The following RBFOX1 variants were observed in gnomAD, a reference collection of about 807,000 sequenced individuals.
The protein encoded by RBFOX1 is RNA binding fox-1 homolog 1.
Under a neutral mutation model 57.7 loss-of-function variants are expected in RBFOX1, and 8 were observed. That is an observed-to-expected ratio of 0.14 (90% CI 0.08 to 0.25). The LOEUF (loss-of-function observed/expected upper bound fraction) is 0.25, where lower values mean the gene tolerates loss of function less well. RBFOX1 is among the 10% of genes least tolerant of loss of function. RBFOX1 has a pLI of 1.00. For synonymous variants in RBFOX1, 326 were observed against 222.4 expected, an observed-to-expected ratio of 1.47 and a Z score of -4.15; for missense variants, 611 against 548.5, an observed-to-expected ratio of 1.11 and a Z score of -1.14.
chr16:7,106,909 G>A (rs140613184), intron 4 of RBFOX1, among the ~76,000 whole-genome samples: 1 of 151,612 alleles, frequency 6.6e-6, no homozygotes, highest in African/African-American at 2.4e-5. Flanking sequence ...CTTGGCAGTG[G>A]GCATGCAACA....
intron 14 of RBFOX1, among the ~76,000 whole-genome samples, chr16:7,688,469 C>A (rs1366378427): frequency 1.3e-5 from 2 of 151,952 alleles, no homozygotes; most frequent in Admixed American, 6.6e-5. Flanking sequence ...TCCCACCTGC[C>A]CGCACCAAAA....
At chr16:5,904,385 T>A (rs913641011) in intron 4 of RBFOX1, among the ~76,000 whole-genome samples, 11 of 152,002 alleles carry the variant, frequency 7.2e-5, no homozygotes, top group African/African-American at 2.4e-4. Flanking sequence ...GACAGGTGTT[T>A]AGGAGCTCGT....
chr16:6,659,713 C>G (rs944759321), intron 3 of RBFOX1, among the ~76,000 whole-genome samples: 1 of 152,164 alleles, frequency 6.6e-6, no homozygotes, highest in African/African-American at 2.4e-5. Flanking sequence ...CATTGCAGCT[C>G]TAGCTGGTTC....
intron 4 of RBFOX1, among the ~76,000 whole-genome samples, chr16:7,154,252 G>C (rs1472575563): frequency 6.6e-6 from 1 of 152,208 alleles, no homozygotes; most frequent in Non-Finnish European, 1.5e-5. Context: ...GTCGGAGGAA[G>C]ACATGGCAGA....
At chr16:6,354,621 A>C (rs1488919274) in intron 2 of RBFOX1, among the ~76,000 whole-genome samples, 1 of 152,052 alleles carries the variant, frequency 6.6e-6, no homozygotes, top group Non-Finnish European at 1.5e-5. Context: ...TCCTGACTGT[A>C]TACTAGCTGC....
intron 3 of RBFOX1, among the ~76,000 whole-genome samples, chr16:6,912,419 G>T (rs2071879527): frequency 6.6e-6 from 1 of 152,082 alleles, no homozygotes; most frequent in Non-Finnish European, 1.5e-5. Flanking sequence ...CTGAAATGAG[G>T]TGTCTGTTCT....
chr16:6,312,477 G>C (rs2080453084), intron 1 of RBFOX1, among the ~76,000 whole-genome samples: 1 of 152,082 alleles, frequency 6.6e-6, no homozygotes, highest in South Asian at 2.1e-4. Flanking sequence ...ATTGAACCTA[G>C]ATAGGGTGAG....
chr16:7,210,784 G>A (rs750766795), intron 4 of RBFOX1, among the ~76,000 whole-genome samples: 1 of 152,058 alleles, frequency 6.6e-6, no homozygotes, highest in African/African-American at 2.4e-5. Context: ...GTCACACAGG[G>A]CTGAAAAGTA....
chr16:5,630,593 C>G (rs1596514785), intron 3 of RBFOX1, among the ~76,000 whole-genome samples: 2 of 152,190 alleles, frequency 1.3e-5, no homozygotes, highest in African/African-American at 2.4e-5. Flanking sequence ...GGGTGGCTTT[C>G]ATGATACTCT....
intron 3 of RBFOX1, among the ~76,000 whole-genome samples, chr16:6,911,050 A>T (rs1269145114): frequency 6.6e-6 from 1 of 151,882 alleles, no homozygotes; most frequent in African/African-American, 2.4e-5. Context: ...AAAATACAAA[A>T]ATTAGCCGAG....
chr16:6,866,430 T>G (rs1204654737), intron 3 of RBFOX1, among the ~76,000 whole-genome samples: 1 of 151,898 alleles, frequency 6.6e-6, no homozygotes, highest in African/African-American at 2.4e-5. Flanking sequence ...ACTTCTAGTG[T>G]CTTTCCCATC....
At chr16:6,710,056 T>C (rs917172288) in intron 3 of RBFOX1, among the ~76,000 whole-genome samples, 1 of 152,124 alleles carries the variant, frequency 6.6e-6, no homozygotes, top group Non-Finnish European at 1.5e-5. Context: ...TGGGACAGTG[T>C]TGCAAGAGGT....
chr16:6,425,176 C>G (rs1347807362), intron 2 of RBFOX1, among the ~76,000 whole-genome samples: 5 of 152,120 alleles, frequency 3.3e-5, no homozygotes, highest in Non-Finnish European at 7.4e-5. Flanking sequence ...GATAGAGGAA[C>G]CAGGATTTTC....
chr16:6,449,646 C>T (rs1877909565), intron 2 of RBFOX1, among the ~76,000 whole-genome samples: 1 of 152,216 alleles, frequency 6.6e-6, no homozygotes, highest in Non-Finnish European at 1.5e-5. Flanking sequence ...TCTTGTCTTT[C>T]AGTGTTTAGC....
chr16:7,373,467 C>G (rs139058405), intron 4 of RBFOX1, among the ~76,000 whole-genome samples: 1 of 152,112 alleles, frequency 6.6e-6, no homozygotes, highest in Non-Finnish European at 1.5e-5. Context: ...TAAGTGATGT[C>G]CGTTCTCTCC....
rs181075701 is a variant in RBFOX1 at position 5,953,079 on chromosome 16, G to T, written c.351+85744G>T. 7.5e-5 allele frequency among the ~76,000 whole-genome samples: 11 copies of T among 145,764 alleles called. No homozygotes were observed. The East Asian group carries it at 8.7e-4, about 11-fold the overall frequency. On this transcript the variant is annotated intron_variant, in intron 4 of 19. Transcript: ENST00000641259. ...TTATCAAGAAAGTACCACTGATTTAGCTCTGCCTCTGTAGATTCTGTGTCA... is the reference window on the plus strand; with the variant it reads ...TTATCAAGAAAGTACCACTGATTTATCTCTGCCTCTGTAGATTCTGTGTCA...
chr16:5,827,477 G>A (rs1477024758), intron 3 of RBFOX1, among the ~76,000 whole-genome samples: 2 of 150,590 alleles, frequency 1.3e-5, no homozygotes, highest in Admixed American at 6.6e-5. Flanking sequence ...AGTAGTTGAA[G>A]ACAACTCTCT....
chr16:6,156,069 G>C (rs1047852046), intron 1 of RBFOX1, among the ~76,000 whole-genome samples: 1 of 152,214 alleles, frequency 6.6e-6, no homozygotes, highest in Non-Finnish European at 1.5e-5. Context: ...AGCCACAGAA[G>C]CAGGGTAGGA....
intron 5 of RBFOX1, among the ~76,000 whole-genome samples, chr16:7,560,609 A>G (rs1008155242): frequency 5.3e-5 from 8 of 151,576 alleles, no homozygotes; most frequent in African/African-American, 1.9e-4. Flanking sequence ...TTGTTTCTCT[A>G]TGGCCCAAGA....
Sources: gnomAD v4.1 joint callset for allele counts (sites outside exome capture counted in the v4.1 genomes callset) on GRCh38, gnomAD v4.1.1 for gene constraint, MANE v1.5 for transcripts, NCBI Gene and HGNC (gene_info 2026-07-23, HGNC 2026-07-21) for gene names.